Variants in SCN10A observed in about 807,000 individuals in gnomAD.
SCN10A encodes the protein sodium voltage-gated channel alpha subunit 10.
In SCN10A, 162 loss-of-function variants were observed where a neutral mutation model predicts 170.7. The observed-to-expected ratio is 0.95, with a 90% CI of 0.84 to 1.08. SCN10A has a LOEUF of 1.08. SCN10A is among the 50% of genes least tolerant of loss of function. SCN10A has a pLI of 0.00. For missense variants in SCN10A, 2,527 were observed against 2,436.9 expected (o/e 1.04, Z -0.78); for synonymous variants, 985 against 904.6 (o/e 1.09, Z -1.59).
intron 5 of SCN10A, among the ~76,000 whole-genome samples, chr3:38,766,663 T>C (rs1036235266): frequency 1.3e-5 from 2 of 152,176 alleles, no homozygotes; most frequent in Non-Finnish European, 2.9e-5. Flanking sequence ...TTTTTGCATC[T>C]ATGTTCATCA....
rs760913893 is a variant in SCN10A, at chr3:38,756,746, T to TG, written c.1217dup (p.Thr407AsnfsTer3). On this transcript the variant is annotated frameshift_variant, in exon 10 of 28. Coordinates refer to ENST00000449082, the MANE Select transcript of SCN10A (RefSeq NM_006514.4). LOFTEE classifies it high-confidence loss of function. Reference sequence around the variant, plus strand: ...CCTTTGCTTCAATTTCATCAGTGGTTGCCTGGTTCTGCTCCTCATACGCCA... The same window carrying TG: ...CCTTTGCTTCAATTTCATCAGTGGTTGGCCTGGTTCTGCTCCTCATACGCCA... 1 of 1,614,202 alleles carries TG rather than the reference T, an allele frequency of 6.2e-7. No homozygotes were observed. The highest frequency in any genetic ancestry group is 8.5e-7 in the Non-Finnish European group (1 of 1,180,032).
At chr3:38,716,714 G>A (rs1375119602) in intron 21 of SCN10A, among the ~76,000 whole-genome samples, 1 of 152,212 alleles carries the variant, frequency 6.6e-6, no homozygotes, top group African/African-American at 2.4e-5. Flanking sequence ...AACAAGAAAG[G>A]AAAAGTATGA....
rs547403253 is a variant in SCN10A at position 38,749,302 on chromosome 3, G to T, written c.1867+771C>A. 2.0e-5 allele frequency among the ~76,000 whole-genome samples: 3 copies of T among 152,334 alleles called. No homozygotes were observed. In the South Asian group the frequency reaches 6.2e-4, roughly 32 times the overall value. The stretch of plus-strand genomic sequence containing the variant: ...CTTACAACTCCTCCAGCCTAGGTCA[G>T]TTTAATTTGTCTAGGGGAGTAAGAT... On this transcript the variant is annotated intron_variant, in intron 13 of 27. Transcript: ENST00000449082.
At position 38,702,126 on chromosome 3, in the gene SCN10A, T is replaced by C. The variant is rs2063163148; in HGVS notation, c.4387-17A>G. On this transcript the variant is annotated splice_polypyrimidine_tract_variant and intron_variant, in intron 26 of 27. Coordinates refer to ENST00000449082, the MANE Select transcript of SCN10A (RefSeq NM_006514.4). The stretch of plus-strand genomic sequence containing the variant: ...GAACTTGTTCTGAGAAAACAAGAGA[T>C]AGTGGCATCAGGGCCTTTGGGCCAG... 6.5e-7 allele frequency: 1 copy of C among 1,530,746 alleles called. No individual in the cohort carries two copies. The highest frequency in any genetic ancestry group is 1.4e-5 in the African/African-American group (1 of 72,094). 94.8% of individuals were successfully genotyped at this position (1,530,746 alleles called of 1,614,324 possible). A position where few individuals can be genotyped will look rare whatever the true frequency, so the allele number is the denominator to read the frequency against.
intron 15 of SCN10A, among the ~76,000 whole-genome samples, chr3:38,738,717 A>T (rs2063597246): frequency 6.6e-6 from 1 of 152,150 alleles, no homozygotes; most frequent in African/African-American, 2.4e-5. Flanking sequence ...AGTCAGTGAG[A>T]TGCCAAGCTT....
Position 38,714,071 on chromosome 3 carries a change from T to C in SCN10A, c.3691A>G (p.Ile1231Val), listed in dbSNP as rs775185585. ...LDFLIVNISL[I>V]SLTAKILEYS... is the part of the protein sequence containing the mutation. ...TCCAGAATCTTCGCTGTGAGACTTA[T>C]CAGTGAGATCTGAGTGCAGGAGAGG... The change falls in exon 22 of 28, where the codon ATA (isoleucine) becomes GTA (valine). Residue 1231 changes from isoleucine (I) to valine (V), a missense_variant. Physicochemically the swap from Ile to Val is conservative, Grantham distance 29. Transcript: ENST00000449082. 7 of 1,614,070 alleles carry C rather than the reference T, an allele frequency of 4.3e-6. No homozygotes were observed. The Admixed American group carries it at 6.7e-5, about 15-fold the overall frequency.
chr3:38,813,445 A>G (rs2064453078), intron 1 of SCN10A, among the ~76,000 whole-genome samples: 1 of 152,220 alleles, frequency 6.6e-6, no homozygotes, highest in Non-Finnish European at 1.5e-5. Flanking sequence ...AGACTAAATG[A>G]TAATAGGAAT....
At chr3:38,745,815 G>C (rs746273137) in intron 13 of SCN10A, among the ~76,000 whole-genome samples, 4 of 151,452 alleles carry the variant, frequency 2.6e-5, no homozygotes, top group Non-Finnish European at 5.9e-5. Context: ...TTTACTCTTG[G>C]CTCTGCATTG....
intron 13 of SCN10A, among the ~76,000 whole-genome samples, chr3:38,747,383 C>G (rs2063702770): frequency 6.6e-6 from 1 of 152,180 alleles, no homozygotes; most frequent in Non-Finnish European, 1.5e-5. Flanking sequence ...AGACACATCT[C>G]CGCCCTCATA....
In SCN10A at chr3:38,793,968, G is replaced by C. The variant is rs754392803; in HGVS notation, c.43C>G (p.Arg15Gly). 3.2e-5 allele frequency: 51 copies of C among 1,613,772 alleles called. No homozygotes were observed. Among genetic ancestry groups the C allele is most frequent in the Non-Finnish European group, 4.2e-5 (49 of 1,179,822 alleles). ...IGSLETNNFRRFTPESLVEIE... is the reference protein window; with the variant it reads ...IGSLETNNFRGFTPESLVEIE... The stretch of plus-strand genomic sequence containing the variant: ...TCCACCAGTGACTCCGGAGTAAAGC[G>C]ACGGAAGTTGTTAGTTTCGAGGGAT... Residue 15 changes from arginine to glycine, a missense_variant, in exon 2 of 28, where the codon CGC (arginine) becomes GGC (glycine). Coordinates refer to ENST00000449082, the MANE Select transcript of SCN10A (RefSeq NM_006514.4).
chr3:38,758,399 G>A (rs1033676412), intron 8 of SCN10A, among the ~76,000 whole-genome samples: 102 of 152,166 alleles, frequency 6.7e-4, no homozygotes, highest in African/African-American at 2.3e-3. Flanking sequence ...ACAGTTCACT[G>A]CTCTGAGGAT....
chr3:38,804,125 G>A (rs184483419), intron 1 of SCN10A, among the ~76,000 whole-genome samples: 261 of 152,220 alleles, frequency 1.7e-3, no homozygotes, highest in African/African-American at 5.8e-3. Context: ...CTTCATCTCT[G>A]AACTCACTTC....
At chr3:38,792,670 A>G (rs1380313137) in intron 2 of SCN10A, among the ~76,000 whole-genome samples, 1 of 152,198 alleles carries the variant, frequency 6.6e-6, no homozygotes, top group African/African-American at 2.4e-5. Flanking sequence ...GAAGAAAGAT[A>G]TTCAGTGCCT....
At chr3:38,699,488 A>G (rs2063135074) in intron 27 of SCN10A, among the ~76,000 whole-genome samples, 1 of 152,210 alleles carries the variant, frequency 6.6e-6, no homozygotes, top group African/African-American at 2.4e-5. Context: ...TGAGGGATGT[A>G]GCAGCAAGCT....
intron 5 of SCN10A, 61 bp downstream of exon 5, chr3:38,771,218 C>G (rs1200798978): frequency 6.3e-7 from 1 of 1,587,612 alleles, no homozygotes; most frequent in Admixed American, 1.7e-5. Flanking sequence ...GCCCTGTCTC[C>G]TACCCACCAT....
chr3:38,748,141 G>A (rs886135737), intron 13 of SCN10A, among the ~76,000 whole-genome samples: 1 of 152,150 alleles, frequency 6.6e-6, no homozygotes, highest in African/African-American at 2.4e-5. Context: ...AATGTTTGCT[G>A]TTTGATGACT....
chr3:38,800,938 T>C (rs1420628985), intron 1 of SCN10A, among the ~76,000 whole-genome samples: 1 of 152,152 alleles, frequency 6.6e-6, no homozygotes, highest in Non-Finnish European at 1.5e-5. Context: ...ATTGAACAGA[T>C]AACAGGTGTT....
intron 15 of SCN10A, among the ~76,000 whole-genome samples, chr3:38,735,044 C>T (rs2063545870): frequency 6.6e-6 from 1 of 151,848 alleles, no homozygotes; most frequent in Non-Finnish European, 1.5e-5. Context: ...GTGGTGGGTG[C>T]CTGTAGTCCC....
chr3:38,711,421 C>A (rs1575937064), intron 23 of SCN10A, among the ~76,000 whole-genome samples: 1 of 152,356 alleles, frequency 6.6e-6, no homozygotes, highest in South Asian at 2.1e-4. Context: ...AGTTCTTACA[C>A]TCCTAGGCCT....
Sources: allele counts gnomAD v4.1 joint callset (sites outside exome capture counted in the v4.1 genomes callset), GRCh38; gene constraint gnomAD v4.1.1; transcripts MANE v1.5; gene names NCBI Gene and HGNC (gene_info 2026-07-23, HGNC 2026-07-21).